The following DOCK4 variants were observed in gnomAD, a reference collection of about 807,000 sequenced individuals.
The protein encoded by DOCK4 is dedicator of cytokinesis 4.
DOCK4 carries 97 observed loss-of-function variants against 268.1 expected under a neutral mutation model. The observed-to-expected ratio is 0.36, with a 90% confidence interval of 0.31 to 0.43. The LOEUF (loss-of-function observed/expected upper bound fraction) is 0.43, where lower values mean the gene tolerates loss of function less well. DOCK4 is among the 20% of genes least tolerant of loss of function. DOCK4 has a pLI of 1.00. For synonymous variants in DOCK4, 954 were observed against 887.2 expected (o/e 1.08, Z -1.34); for missense variants, 2,145 against 2,455.7 (o/e 0.87, Z 2.67).
intron 11 of DOCK4, 37 bp from the exon 12 acceptor site, chr7:111,935,665 T>C (rs1212527102): frequency 1.9e-6 from 3 of 1,550,852 alleles, no homozygotes; most frequent in Non-Finnish European, 2.7e-6. Flanking sequence ...GCTTTAATGA[T>C]GCATGCAGTC....
intron 8 of DOCK4, among the ~76,000 whole-genome samples, chr7:111,964,182 C>A (rs1797190062): frequency 7.1e-6 from 1 of 141,758 alleles, no homozygotes; most frequent in Admixed American, 6.8e-5. Context: ...CAGTTCCTCA[C>A]CAGCAACAGA....
Position 111,944,845 on chromosome 7 carries a change from C to T in DOCK4, c.810G>A (p.Lys270=). ...FVDLGSSELR[K]DIYITVHIIR... ...TAATGTGCACGGTGATATAAATGTC[C>T]TTTCTTAGCTCACTGCTGCCCAAAT... Residue 270 remains lysine (K), a synonymous_variant, in exon 10 of 53, where the codon AAG becomes AAA. Transcript: ENST00000428084. 2 of 1,613,958 alleles carry T rather than the reference C, an allele frequency of 1.2e-6. No homozygotes were observed. Among genetic ancestry groups the T allele is most frequent in the African/African-American group, 1.3e-5 (1 of 75,048 alleles).
chr7:111,786,339 G>A (rs1799162486), intron 32 of DOCK4, among the ~76,000 whole-genome samples: 1 of 152,154 alleles, frequency 6.6e-6, no homozygotes, highest in African/African-American at 2.4e-5. Context: ...CCTGGGGAGT[G>A]CCCAATAGAT....
chr7:111,928,657 G>A (rs1332820332), intron 12 of DOCK4, among the ~76,000 whole-genome samples: 1 of 147,744 alleles, frequency 6.8e-6, no homozygotes, highest in Non-Finnish European at 1.5e-5. Flanking sequence ...GCACAATCTT[G>A]GCTCACTGTA....
At chr7:112,061,683 C>G (rs1563046302) in intron 1 of DOCK4, among the ~76,000 whole-genome samples, 3 of 150,630 alleles carry the variant, frequency 2.0e-5, no homozygotes, top group Non-Finnish European at 4.4e-5. Context: ...TGATTCATAG[C>G]AGCACTTGCC....
intron 1 of DOCK4, among the ~76,000 whole-genome samples, chr7:112,130,304 C>T (rs1003528420): frequency 2.6e-5 from 4 of 152,144 alleles, no homozygotes; most frequent in Admixed American, 6.5e-5. Context: ...GTCCCTGGTG[C>T]CATCTGACAG....
At chr7:111,729,790 C>T (rs1794942922) in intron 52 of DOCK4, among the ~76,000 whole-genome samples, 1 of 152,220 alleles carries the variant, frequency 6.6e-6, no homozygotes, top group Non-Finnish European at 1.5e-5. Flanking sequence ...CGAGGTTCTG[C>T]ACCTGATTTC....
chr7:112,150,453 C>T (rs1215069634), intron 1 of DOCK4, among the ~76,000 whole-genome samples: 2 of 152,146 alleles, frequency 1.3e-5, no homozygotes, highest in Non-Finnish European at 2.9e-5. Context: ...TGGAGATAAC[C>T]TCGTCCTGTC....
intron 13 of DOCK4, 63 bp from the exon 14 acceptor site, chr7:111,901,864 T>C (rs1791179893): frequency 4.6e-6 from 6 of 1,296,714 alleles, no homozygotes; most frequent in Non-Finnish European, 6.4e-6. Flanking sequence ...TAAAGTGCTC[T>C]ATCAAGAAAA....
intron 8 of DOCK4, among the ~76,000 whole-genome samples, chr7:111,959,022 T>A (rs972129523): frequency 6.6e-6 from 1 of 152,060 alleles, no homozygotes; most frequent in African/African-American, 2.4e-5. Context: ...AACTCTGAAG[T>A]GACAACACTC....
chr7:112,094,880 G>C (rs1809968114), intron 1 of DOCK4, among the ~76,000 whole-genome samples: 1 of 152,088 alleles, frequency 6.6e-6, no homozygotes, highest in Non-Finnish European at 1.5e-5. Flanking sequence ...CATGCGATGT[G>C]CTTGCTCCTC....
chr7:111,741,767 T>G, intron 45 of DOCK4, 106 bp from the exon 46 acceptor site: 7 of 1,402,878 alleles, frequency 5.0e-6, no homozygotes, highest in Non-Finnish European at 6.6e-6. Flanking sequence ...CCATCAAGTC[T>G]TCACATAGGG....
intron 1 of DOCK4, among the ~76,000 whole-genome samples, chr7:112,024,329 C>G (rs552059902): frequency 6.6e-6 from 1 of 152,138 alleles, no homozygotes. Flanking sequence ...GATTAGTATA[C>G]TTAGTATATT....
chr7:112,095,661 A>G (rs1033638249), intron 1 of DOCK4, among the ~76,000 whole-genome samples: 1 of 152,244 alleles, frequency 6.6e-6, no homozygotes, highest in Non-Finnish European at 1.5e-5. Flanking sequence ...AAATAAAAGC[A>G]AGAAATTTTA....
chr7:111,871,841 T>G, intron 20 of DOCK4, 149 bp downstream of exon 20: 1 of 502,070 alleles, frequency 2.0e-6, no homozygotes, highest in Non-Finnish European at 3.4e-6. Flanking sequence ...AAAGGGTGTG[T>G]TAGCAGGGAA....
chr7:111,931,836 G>C (rs1020891351), intron 12 of DOCK4, among the ~76,000 whole-genome samples: 1 of 152,180 alleles, frequency 6.6e-6, no homozygotes, highest in African/African-American at 2.4e-5. Flanking sequence ...CCTGTGGTAA[G>C]TGCTTTGCAT....
chr7:111,869,693 G>A (rs982489825), intron 20 of DOCK4, 38 bp from the exon 21 acceptor site: 12 of 1,578,438 alleles, frequency 7.6e-6, no homozygotes, highest in East Asian at 2.3e-5. Context: ...TGTAAAATTG[G>A]TCTAATTCTC....
intron 30 of DOCK4, among the ~76,000 whole-genome samples, chr7:111,796,038 C>T (rs1309550422): frequency 6.6e-6 from 1 of 152,166 alleles, no homozygotes; most frequent in Non-Finnish European, 1.5e-5. Flanking sequence ...GGACCAAGGT[C>T]CTCATGATCT....
chr7:112,112,694 C>T (rs1390139349), intron 1 of DOCK4, among the ~76,000 whole-genome samples: 1 of 151,906 alleles, frequency 6.6e-6, no homozygotes, highest in African/African-American at 2.4e-5. Flanking sequence ...ATACAGTCTA[C>T]AGAACTGTGA....
Sources: gnomAD v4.1 joint callset for allele counts (sites outside exome capture counted in the v4.1 genomes callset) on GRCh38, gnomAD v4.1.1 for gene constraint, MANE v1.5 for transcripts, NCBI Gene and HGNC (gene_info 2026-07-23, HGNC 2026-07-21) for gene names.